MRC1: variants seen among roughly 807,000 people sequenced by gnomAD.
MRC1 encodes mannose receptor C-type 1.
In MRC1, 62 loss-of-function variants were observed where a neutral mutation model predicts 102.9. The observed-to-expected ratio is 0.60, with a 90% CI of 0.49 to 0.74. The LOEUF (loss-of-function observed/expected upper bound fraction) is 0.74, where lower values mean the gene tolerates loss of function less well. Ranked by LOEUF, MRC1 falls within the 30% of genes least tolerant of loss-of-function variation. The pLI is 0.00. For synonymous variants in MRC1, 457 were observed against 298.4 expected (o/e 1.53, Z -5.48); for missense variants, 1,237 against 862.8 (o/e 1.43, Z -5.43).
At position 17,839,935 on chromosome 10, in the gene MRC1, G is replaced by C. The variant is rs1053353619; in HGVS notation, c.803-758G>C. On this transcript the variant is annotated intron_variant, in intron 4 of 29. Coordinates refer to ENST00000569591, the MANE Select transcript of MRC1 (RefSeq NM_002438.4). ...AAAAAAATTAGCCAGGCGTGGTGGCGGTCACCTGTAATCCCAGCTACTCGA... is the reference window on the plus strand; with the variant it reads ...AAAAAAATTAGCCAGGCGTGGTGGCCGTCACCTGTAATCCCAGCTACTCGA... Among the ~76,000 whole-genome samples the C allele has an allele frequency of 6.9e-3, 1,044 of 151,666 alleles. 7 individuals are homozygous for C. The highest frequency in any genetic ancestry group is 0.011 in the Non-Finnish European group (755 of 67,912).
intron 4 of MRC1, among the ~76,000 whole-genome samples, chr10:17,836,837 AAAAT>A (rs1217031716): frequency 3.3e-5 from 5 of 152,118 alleles, no homozygotes; most frequent in Non-Finnish European, 7.4e-5. Flanking sequence ...ACTCGTCTCA[AAAAT>A]AAATAAATAA....
rs1030750605 is a variant in MRC1, at chr10:17,902,338, C to T, written c.3799+216C>T. ...TTTAGAGAATTCGGGTAGAAAACAGCGTATTCTAAATGGTTTCTTCCTTTC... is the reference window on the plus strand; with the variant it reads ...TTTAGAGAATTCGGGTAGAAAACAGTGTATTCTAAATGGTTTCTTCCTTTC... On this transcript the variant is annotated intron_variant, in intron 26 of 29. Coordinates refer to ENST00000569591, the MANE Select transcript of MRC1 (RefSeq NM_002438.4). 2.6e-5 allele frequency among the ~76,000 whole-genome samples: 4 copies of T among 152,244 alleles called. No homozygotes were observed. The South Asian group carries it at 6.2e-4, about 24-fold the overall frequency.
intron 8 of MRC1, among the ~76,000 whole-genome samples, chr10:17,853,965 T>A (rs1160800306): frequency 1.3e-5 from 2 of 151,912 alleles, no homozygotes; most frequent in African/African-American, 4.8e-5. Context: ...GTTGTTGTTG[T>A]TGTTTGTTTG....
At chr10:17,820,311 C>G (rs952035283) in intron 1 of MRC1, among the ~76,000 whole-genome samples, 5 of 151,844 alleles carry the variant, frequency 3.3e-5, no homozygotes, top group Admixed American at 2.6e-4. Flanking sequence ...TCCAGGAAGA[C>G]TCCTAGGTTT....
At chr10:17,874,777 A>G (rs1833404587) in intron 16 of MRC1, among the ~76,000 whole-genome samples, 1 of 151,910 alleles carries the variant, frequency 6.6e-6, no homozygotes, top group South Asian at 2.1e-4. Context: ...TGGGTGCATT[A>G]TACATAAATC....
intron 29 of MRC1, 93 bp from the exon 30 acceptor site, chr10:17,910,122 A>T: frequency 1.3e-6 from 1 of 768,848 alleles, no homozygotes; most frequent in East Asian, 2.4e-5. Flanking sequence ...AAGAATATTT[A>T]TGCCTTTTAG....
intron 4 of MRC1, among the ~76,000 whole-genome samples, chr10:17,839,910 A>AG (rs1838724549): frequency 6.6e-6 from 1 of 151,588 alleles, no homozygotes. Flanking sequence ...AATACAAAAA[A>AG]AAAAAATTAG....
intron 9 of MRC1, among the ~76,000 whole-genome samples, chr10:17,860,911 GTT>G (rs1833175573): frequency 6.6e-6 from 1 of 152,144 alleles, no homozygotes; most frequent in East Asian, 1.9e-4. Context: ...TCTTTTATTC[GTT>G]TATGTGTATA....
At chr10:17,832,938 C>G (rs898504447) in intron 3 of MRC1, among the ~76,000 whole-genome samples, 1 of 152,230 alleles carries the variant, frequency 6.6e-6, no homozygotes, top group African/African-American at 2.4e-5. Flanking sequence ...GTCTTGCATG[C>G]ATATATTGCA....
intron 20 of MRC1, 44 bp from the exon 21 acceptor site, chr10:17,881,023 C>T: frequency 1.3e-6 from 1 of 779,436 alleles, no homozygotes; most frequent in Middle Eastern, 2.8e-4. Flanking sequence ...CTTTAGTTAA[C>T]CCCTGCAGTT....
At chr10:17,901,462 G>A (rs893584232) in intron 25 of MRC1, among the ~76,000 whole-genome samples, 1 of 152,208 alleles carries the variant, frequency 6.6e-6, no homozygotes, top group Non-Finnish European at 1.5e-5. Flanking sequence ...GCCGAGGCGG[G>A]CAGATCACCT....
chr10:17,848,712 G>A (rs1838866757), intron 6 of MRC1, among the ~76,000 whole-genome samples: 1 of 152,128 alleles, frequency 6.6e-6, no homozygotes, highest in African/African-American at 2.4e-5. Context: ...TTCATGTGAT[G>A]TGACTTGCCG....
At chr10:17,871,397 A>G (rs1833352526) in intron 14 of MRC1, among the ~76,000 whole-genome samples, 1 of 152,136 alleles carries the variant, frequency 6.6e-6, no homozygotes, top group African/African-American at 2.4e-5. Context: ...AAAACACATC[A>G]CCGTGCTTAG....
intron 8 of MRC1, among the ~76,000 whole-genome samples, chr10:17,855,368 G>A (rs1200474352): frequency 1.3e-5 from 2 of 151,752 alleles, no homozygotes; most frequent in Admixed American, 6.6e-5. Context: ...TCGGGAGATC[G>A]AGACCATCCT....
chr10:17,878,073 A>G (rs1833461554), intron 18 of MRC1, 106 bp downstream of exon 18: 7 of 733,366 alleles, frequency 9.5e-6, no homozygotes, highest in Non-Finnish European at 1.7e-5. Context: ...TAAAAATCCT[A>G]CAGCATTCTC....
intron 8 of MRC1, among the ~76,000 whole-genome samples, chr10:17,853,787 A>C (rs968491117): frequency 1.1e-4 from 16 of 152,078 alleles, no homozygotes; most frequent in African/African-American, 3.6e-4. Flanking sequence ...TTTATGATTG[A>C]AATATGACCT....
intron 9 of MRC1, among the ~76,000 whole-genome samples, chr10:17,857,123 A>T (rs1243703393): frequency 6.6e-6 from 1 of 152,248 alleles, no homozygotes; most frequent in Non-Finnish European, 1.5e-5. Flanking sequence ...ATTTGGTACT[A>T]TAAAAATAAA....
At position 17,827,655 on chromosome 10, in the gene MRC1, T is replaced by C; in HGVS notation, c.577T>C (p.Trp193Arg). 1 of 780,886 alleles carries C rather than the reference T, an allele frequency of 1.3e-6. No homozygotes were observed. The allele number at this position is 780,886 out of a possible 1,614,324, so 48.4% of individuals were successfully genotyped here. ...TSAGRSDGWL[W>R]CGTTTDYDTD... Reference sequence around the variant, plus strand: ...TGCTGGGCGGTCGGATGGATGGCTCTGGTGCGGAACCACTACTGACTATGA... The same window carrying C: ...TGCTGGGCGGTCGGATGGATGGCTCCGGTGCGGAACCACTACTGACTATGA... The change falls in exon 3 of 30, where the codon TGG becomes CGG. Residue 193 changes from tryptophan to arginine, a missense_variant. Physicochemically the swap from Trp to Arg is moderately radical, Grantham distance 101. Transcript: ENST00000569591.
intron 12 of MRC1, among the ~76,000 whole-genome samples, chr10:17,867,336 C>G (rs1180814164): frequency 7.1e-6 from 1 of 141,228 alleles, no homozygotes. Flanking sequence ...CTTCTTCTTC[C>G]TCCTCCTCCT....
Sources: gnomAD v4.1 joint callset for allele counts (sites outside exome capture counted in the v4.1 genomes callset) on GRCh38, gnomAD v4.1.1 for gene constraint, MANE v1.5 for transcripts, NCBI Gene and HGNC (gene_info 2026-07-23, HGNC 2026-07-21) for gene names.